Variants in AHRR observed in about 807,000 individuals in gnomAD.
AHRR encodes aryl hydrocarbon receptor repressor.
Under a neutral mutation model 44.0 loss-of-function variants are expected in AHRR, and 28 were observed. The ratio of observed to expected loss-of-function variants is 0.64; its 90% CI spans 0.47 to 0.87. AHRR has a LOEUF of 0.87. AHRR is among the 40% of genes least tolerant of loss of function. The probability of loss-of-function intolerance (pLI) is 0.00; values close to 1 mark genes in which losing one functional copy is unlikely to be tolerated. For synonymous variants in AHRR, 434 were observed against 407.0 expected (o/e 1.07, Z -0.80); for missense variants, 990 against 953.9 (o/e 1.04, Z -0.50).
intron 3 of AHRR, among the ~76,000 whole-genome samples, chr5:355,614 G>GA (rs1474665488): frequency 6.6e-6 from 1 of 152,246 alleles, no homozygotes; most frequent in Non-Finnish European, 1.5e-5. Context: ...GACGGCCTCA[G>GA]AAAGTCTTCG....
intron 8 of AHRR, among the ~76,000 whole-genome samples, chr5:428,323 G>T (rs989698290): frequency 1.3e-5 from 2 of 152,358 alleles, no homozygotes; most frequent in African/African-American, 2.4e-5. Flanking sequence ...TGTGGCCCCT[G>T]CCTTTCTCCA....
chr5:346,179 C>T (rs1300237970), intron 2 of AHRR, among the ~76,000 whole-genome samples: 1 of 152,180 alleles, frequency 6.6e-6, no homozygotes, highest in Non-Finnish European at 1.5e-5. Flanking sequence ...TGCTGCAATT[C>T]ATATATAAAG....
intron 5 of AHRR, among the ~76,000 whole-genome samples, chr5:415,757 C>G (rs1395138486): frequency 6.6e-6 from 1 of 152,182 alleles, no homozygotes; most frequent in African/African-American, 2.4e-5. Flanking sequence ...GCAGTGGAAG[C>G]CACGAACCAC....
rs1290360585 is a variant in AHRR at position 432,895 on chromosome 5, C to A, written c.1060C>A (p.Leu354Met). The change falls in exon 10 of 11, where the codon CTG becomes ATG. Residue 354 changes from leucine to methionine, a missense_variant. By Grantham distance (15) the Leu-to-Met change is conservative. Coordinates refer to ENST00000684583, the MANE Select transcript of AHRR (RefSeq NM_001377236.1). ...ACAGGTTCCCGCCAGGGCCCCATGC[C>A]TGTGCCTCCGGGGTGGCCCTGACCT... Reference protein sequence around the residue: ...WAQVPARAPCLCLRGGPDLVL... With the variant: ...WAQVPARAPCMCLRGGPDLVL... 3 of 1,613,602 alleles carry A rather than the reference C, an allele frequency of 1.9e-6. No individual in the cohort carries two copies. Among genetic ancestry groups the A allele is most frequent in the African/African-American group, 2.7e-5 (2 of 75,058 alleles).
chr5:415,395 G>GGTCGGGCGGGAGGCCTAGGGGCCGAA (rs1735700500), intron 5 of AHRR, among the ~76,000 whole-genome samples: 1 of 46,086 alleles, frequency 2.2e-5, no homozygotes. Context: ...TAGGGGCCGA[G>GGTCGGGCGGGAGGCCTAGGGGCCGAA]TCTGCCTGGT....
chr5:435,018 A>T lies in AHRR; in HGVS notation c.*184A>T. The T allele has an allele frequency of 3.8e-6, 3 of 795,786 alleles. No homozygotes were observed. Among genetic ancestry groups the T allele is most frequent in the Non-Finnish European group, 5.7e-6 (3 of 523,928 alleles). The allele number at this position is 795,786 out of a possible 1,614,324, so 49.3% of individuals were successfully genotyped here. On this transcript the variant is annotated 3_prime_UTR_variant, in exon 11 of 11. Transcript: ENST00000684583. ...AGGAGCCTATCCTGAATTTTGTAAA[A>T]TATCCCAACAGTTCTTAAATGAAAA...
In AHRR at chr5:387,466, C is replaced by T. The variant is rs1734214276; in HGVS notation, c.351+10750C>T. ...CCCCATTGTGGGGGTCCTCCATCCA[C>T]AGGGACGGATTTTCTCTCCAGGTGC... On this transcript the variant is annotated intron_variant, in intron 4 of 10. Coordinates refer to ENST00000684583, the MANE Select transcript of AHRR (RefSeq NM_001377236.1). The surrounding 1 kb of genome is among the most constrained non-coding windows in gnomAD (Gnocchi z 5.1). Among the ~76,000 whole-genome samples the T allele has an allele frequency of 6.6e-6, 1 of 152,220 alleles. No homozygotes were observed. Among genetic ancestry groups the T allele is most frequent in the African/African-American group, 2.4e-5 (1 of 41,468 alleles).
At chr5:341,485 T>C (rs1742346469) in intron 1 of AHRR, among the ~76,000 whole-genome samples, 2 of 138,152 alleles carry the variant, frequency 1.4e-5, no homozygotes, top group African/African-American at 5.9e-5. Context: ...ATCACTTTCC[T>C]TCCCCTCCCC....
chr5:384,116 T>C (rs763541965), intron 4 of AHRR, among the ~76,000 whole-genome samples: 6 of 152,152 alleles, frequency 3.9e-5, no homozygotes, highest in Non-Finnish European at 8.8e-5. Flanking sequence ...TCATTGATAT[T>C]ATTGGATTTA....
At chr5:340,688 ATTTTTTT>A (rs539789608) in intron 1 of AHRR, among the ~76,000 whole-genome samples, 433 of 12,840 alleles carry the variant, frequency 0.034, 11 homozygotes, top group Non-Finnish European at 0.043. Context: ...ATATATATAT[ATTTTTTT>A]TTTTTTTTTT....
Position 405,706 on chromosome 5 carries a change from G to A in AHRR, c.352-7638G>A, listed in dbSNP as rs558055642. On this transcript the variant is annotated intron_variant, in intron 4 of 10. Coordinates refer to ENST00000684583, the MANE Select transcript of AHRR (RefSeq NM_001377236.1). This position sits in a 1 kb window ranked among gnomAD's most constrained non-coding sequence, Gnocchi z 4.5. ...CTTGTCCCACCGCCTGCGACCACCA[G>A]CTCCTCCGCTCTCTCCATCGGTCGT... Among the ~76,000 whole-genome samples, 1 of 152,220 alleles carries A rather than the reference G, an allele frequency of 6.6e-6. No individual in the cohort carries two copies. Among genetic ancestry groups the A allele is most frequent in the Non-Finnish European group, 1.5e-5 (1 of 68,038 alleles).
chr5:369,100 A>G (rs1328511748), intron 3 of AHRR, among the ~76,000 whole-genome samples: 1 of 152,170 alleles, frequency 6.6e-6, no homozygotes, highest in Non-Finnish European at 1.5e-5. Context: ...GCTGTAACTA[A>G]GGGTTTTGGA....
intron 2 of AHRR, among the ~76,000 whole-genome samples, chr5:347,210 C>T (rs1291726699): frequency 6.6e-6 from 1 of 152,204 alleles, no homozygotes; most frequent in Non-Finnish European, 1.5e-5. Context: ...GCCTTTTGCT[C>T]ATTTTTCTAG....
rs1168068117 is a variant in AHRR at position 437,092 on chromosome 5, T to C, written c.*2258T>C. 1 of 152,462 alleles carries C rather than the reference T, an allele frequency of 6.6e-6. No individual in the cohort carries two copies. Among genetic ancestry groups the C allele is most frequent in the Non-Finnish European group, 1.5e-5 (1 of 68,112 alleles). 9.4% of individuals were successfully genotyped at this position (152,462 alleles called of 1,614,324 possible). On this transcript the variant is annotated 3_prime_UTR_variant, in exon 11 of 11. Transcript: ENST00000684583. The stretch of plus-strand genomic sequence containing the variant: ...GGCCAGGCGCAGTGGCTCATGCCTA[T>C]AATCCCAGCACTTTAGGAGGTCAAG...
chr5:343,551 C>G (rs1016200985), intron 1 of AHRR: 1 of 327,206 alleles, frequency 3.1e-6, no homozygotes, highest in Non-Finnish European at 5.6e-6. Context: ...CCGCCCCGCC[C>G]GTTCCTGGCT....
At chr5:415,089 G>T (rs1735663619) in intron 5 of AHRR, among the ~76,000 whole-genome samples, 1 of 152,256 alleles carries the variant, frequency 6.6e-6, no homozygotes, top group Non-Finnish European at 1.5e-5. Flanking sequence ...GCCAGGGCTG[G>T]TAGGAAACCT....
At chr5:327,153 C>T (rs1173404798) in intron 1 of AHRR, among the ~76,000 whole-genome samples, 5 of 152,206 alleles carry the variant, frequency 3.3e-5, no homozygotes, top group South Asian at 4.1e-4. Flanking sequence ...TAATGATTTA[C>T]AGGGCTGAGC....
chr5:336,102 G>A (rs1742110486), intron 1 of AHRR, among the ~76,000 whole-genome samples: 1 of 152,166 alleles, frequency 6.6e-6, no homozygotes, highest in Non-Finnish European at 1.5e-5. Flanking sequence ...TTTCAGAAAG[G>A]GTATGAGACC....
At chr5:397,211 T>C (rs1734758128) in intron 4 of AHRR, among the ~76,000 whole-genome samples, 1 of 101,268 alleles carries the variant, frequency 9.9e-6, no homozygotes, top group African/African-American at 3.8e-5. Flanking sequence ...ACATAGCCCC[T>C]GACCATCCAC....
Sources: gnomAD v4.1 joint callset for allele counts (sites outside exome capture counted in the v4.1 genomes callset) on GRCh38, gnomAD v4.1.1 for gene constraint, Gnocchi (gnomAD v3.1) non-coding constraint, MANE v1.5 for transcripts, NCBI Gene and HGNC (gene_info 2026-07-23, HGNC 2026-07-21) for gene names.